The following COBL variants were observed in gnomAD, a reference collection of about 807,000 sequenced individuals.
COBL encodes protein cordon-bleu.
In COBL, 51 loss-of-function variants were observed where a neutral mutation model predicts 98.8. The ratio of observed to expected loss-of-function variants is 0.52; its 90% confidence interval spans 0.41 to 0.65. The LOEUF is 0.65. Among genes scored for constraint, COBL ranks in the 30% least tolerant of loss-of-function variants. COBL has a pLI of 0.00. For synonymous variants in COBL, 634 were observed against 651.7 expected (o/e 0.97, Z 0.41); for missense variants, 1,617 against 1,617.5 (o/e 1.00, Z 0.01).
chr7:51,027,912 T>C lies in COBL; in HGVS notation c.3184A>G (p.Ile1062Val), dbSNP rs374579503. 4.8e-5 allele frequency: 77 copies of C among 1,613,980 alleles called. No homozygotes were observed. The African/African-American group carries it at 8.1e-4, about 17-fold the overall frequency. ...PPGGSGTESHILLEREEKPSV... is the reference protein window; with the variant it reads ...PPGGSGTESHVLLEREEKPSV... ...GGCTTTTCCTCTCTTTCTAGGAGAA[T>C]GTGGCTTTCTGTGCCAGACCCTCCT... Residue 1062 changes from isoleucine (I) to valine (V), a missense_variant, in exon 10 of 13, where the codon ATT becomes GTT. By Grantham distance (29) the Ile-to-Val change is conservative. Transcript: ENST00000265136.
intron 6 of COBL, among the ~76,000 whole-genome samples, chr7:51,101,643 C>T (rs1241299853): frequency 6.6e-6 from 1 of 152,210 alleles, no homozygotes; most frequent in Non-Finnish European, 1.5e-5. Flanking sequence ...ACCATAGTGA[C>T]TAAAGCCCAT....
At chr7:51,037,151 T>G (rs1788731039) in intron 8 of COBL, among the ~76,000 whole-genome samples, 6 of 152,166 alleles carry the variant, frequency 3.9e-5, no homozygotes, top group Admixed American at 3.9e-4. Flanking sequence ...TTCAAACATG[T>G]TATAAATAAA....
Position 51,026,496 on chromosome 7 carries a change from G to A in COBL, c.3504+50C>T, listed in dbSNP as rs377277917. 5 of 1,600,866 alleles carry A rather than the reference G, an allele frequency of 3.1e-6. 1 individual carries two copies. The highest frequency in any genetic ancestry group is 2.2e-5 in the South Asian group (2 of 90,238). On this transcript the variant is annotated intron_variant, in intron 11 of 12. Transcript: ENST00000265136. The stretch of plus-strand genomic sequence containing the variant: ...ACCACCCAAGTGCCTCGGAAGAAGG[G>A]GTGGGTGGGTTTGAGCTCCTGGCGC...
chr7:51,026,683 T>C lies in COBL; in HGVS notation c.3385-18A>G, dbSNP rs1038620035. ...TCTGCCGTCTAGAATATTAACAGTGTCACACATTTCACTGAGAACATGGAG... is the reference window on the plus strand; with the variant it reads ...TCTGCCGTCTAGAATATTAACAGTGCCACACATTTCACTGAGAACATGGAG... On this transcript the variant is annotated intron_variant, in intron 10 of 12. Coordinates refer to ENST00000265136, the MANE Select transcript of COBL (RefSeq NM_015198.5). 6.2e-7 allele frequency: 1 copy of C among 1,607,060 alleles called. No individual in the cohort carries two copies. The highest frequency in any genetic ancestry group is 1.3e-5 in the African/African-American group (1 of 74,934).
rs767026179 is a variant in COBL, at chr7:51,017,167, C to T, written c.*384G>A. The T allele has an allele frequency of 7.6e-5, 35 of 463,126 alleles. No homozygotes were observed. The highest frequency in any genetic ancestry group is 6.8e-4 in the Admixed American group (18 of 26,286). The allele number at this position is 463,126 out of a possible 1,614,324, so 28.7% of individuals were successfully genotyped here. Reference sequence around the variant, plus strand: ...TAAATCAGTAAGTAGTTTCATCCATCTGTATGTGGTAAAAGTCTCAAAGGT... The same window carrying T: ...TAAATCAGTAAGTAGTTTCATCCATTTGTATGTGGTAAAAGTCTCAAAGGT... On this transcript the variant is annotated 3_prime_UTR_variant, in exon 13 of 13. Coordinates refer to ENST00000265136, the MANE Select transcript of COBL (RefSeq NM_015198.5).
At chr7:51,206,866 G>A (rs189169010) in intron 2 of COBL, among the ~76,000 whole-genome samples, 2 of 152,296 alleles carry the variant, frequency 1.3e-5, no homozygotes, top group Admixed American at 1.3e-4. Flanking sequence ...CAGGGGCTGG[G>A]CAATAGGGAG....
intron 6 of COBL, among the ~76,000 whole-genome samples, chr7:51,130,930 T>G (rs1798678747): frequency 6.6e-6 from 1 of 152,236 alleles, no homozygotes; most frequent in African/African-American, 2.4e-5. Flanking sequence ...TGTGCTGAGA[T>G]ATTAGAGTAA....
intron 5 of COBL, among the ~76,000 whole-genome samples, chr7:51,166,287 G>A (rs190341710): frequency 4.6e-5 from 7 of 151,868 alleles, no homozygotes; most frequent in Admixed American, 4.6e-4. Context: ...AACTAACACC[G>A]CAGAAATTCA....
intron 3 of COBL, among the ~76,000 whole-genome samples, chr7:51,192,050 G>C (rs1013863102): frequency 1.3e-5 from 2 of 152,168 alleles, no homozygotes; most frequent in Non-Finnish European, 2.9e-5. Context: ...CTGAGAAGCA[G>C]GAAGTCAAGG....
intron 1 of COBL, among the ~76,000 whole-genome samples, chr7:51,297,993 G>A (rs73120030): frequency 6.9e-4 from 105 of 152,306 alleles, no homozygotes; most frequent in Non-Finnish European, 7.1e-4. Flanking sequence ...CCTCCCGAGT[G>A]TGGGCTGGAC....
intron 8 of COBL, chr7:51,034,408 CTCT>C (rs1260615477): frequency 6.6e-6 from 1 of 152,248 alleles, no homozygotes; most frequent in Admixed American, 6.5e-5. Flanking sequence ...GAGCAGCCTG[CTCT>C]TCTTTTGATG....
chr7:51,136,381 TC>T (rs1799244676), intron 5 of COBL, 50 bp from the exon 6 acceptor site: 1 of 1,546,172 alleles, frequency 6.5e-7, no homozygotes, highest in Admixed American at 1.9e-5. Context: ...AGATGACTTC[TC>T]CCCGTATGAA....
At chr7:51,227,462 T>C (rs764407397) in intron 1 of COBL, among the ~76,000 whole-genome samples, 2 of 152,118 alleles carry the variant, frequency 1.3e-5, no homozygotes, top group Non-Finnish European at 2.9e-5. Context: ...AGGTACTTCT[T>C]TGAGTATCTG....
At chr7:51,058,611 G>A (rs4470986) in intron 7 of COBL, among the ~76,000 whole-genome samples, 62,224 of 151,388 alleles carry the variant, frequency 0.41, 16,538 homozygotes, top group African/African-American at 0.75. Context: ...ACAATTACAT[G>A]ACACTGTGCG....
At chr7:51,091,424 G>C (rs186908230) in intron 6 of COBL, among the ~76,000 whole-genome samples, 1 of 152,094 alleles carries the variant, frequency 6.6e-6, no homozygotes, top group African/African-American at 2.4e-5. Flanking sequence ...GCTGTATTAA[G>C]AAGAAGAAGA....
chr7:51,269,544 G>A (rs1052221439), intron 1 of COBL, among the ~76,000 whole-genome samples: 16 of 152,326 alleles, frequency 1.1e-4, no homozygotes, highest in African/African-American at 2.9e-4. Context: ...GCTCAGGAGC[G>A]TGGGCTCCAT....
intron 5 of COBL, among the ~76,000 whole-genome samples, chr7:51,140,075 TG>T (rs1195261903): frequency 1.3e-5 from 2 of 152,138 alleles, no homozygotes; most frequent in Admixed American, 6.5e-5. Flanking sequence ...AATCCACAGA[TG>T]TTGGCAGTCA....
chr7:51,021,452 T>C (rs1407244444), intron 12 of COBL, among the ~76,000 whole-genome samples: 1 of 152,098 alleles, frequency 6.6e-6, no homozygotes, highest in Non-Finnish European at 1.5e-5. Flanking sequence ...TACCTTCACC[T>C]CCCAAGGAGC....
intron 9 of COBL, among the ~76,000 whole-genome samples, chr7:51,030,229 A>G (rs771441172): frequency 1.3e-5 from 2 of 152,244 alleles, no homozygotes; most frequent in Non-Finnish European, 2.9e-5. Flanking sequence ...GGCATGATAA[A>G]TATCTAATTT....
Sources: allele counts gnomAD v4.1 joint callset (sites outside exome capture counted in the v4.1 genomes callset), GRCh38; gene constraint gnomAD v4.1.1; transcripts MANE v1.5; gene names NCBI Gene and HGNC (gene_info 2026-07-23, HGNC 2026-07-21).